The following WSCD1 variants were observed in gnomAD, a reference collection of about 807,000 sequenced individuals.
The protein encoded by WSCD1 is WSC domain sialate O sulfotransferase 1, also known as sialate:O-sulfotransferase 1.
WSCD1 carries 41 observed loss-of-function variants against 60.4 expected under a neutral mutation model. That is an observed-to-expected ratio of 0.68 (90% CI 0.53 to 0.88). WSCD1 has a LOEUF of 0.88. Among genes scored for constraint, WSCD1 ranks in the 40% least tolerant of loss-of-function variants. The probability of loss-of-function intolerance (pLI) is 0.00; values close to 1 mark genes in which losing one functional copy is unlikely to be tolerated. For synonymous variants in WSCD1, 361 were observed against 332.5 expected (o/e 1.09, Z -0.93); for missense variants, 784 against 796.2 (o/e 0.98, Z 0.18).
chr17:6,093,047 T>C (rs1052958129), intron 4 of WSCD1, among the ~76,000 whole-genome samples: 1 of 152,184 alleles, frequency 6.6e-6, no homozygotes, highest in Non-Finnish European at 1.5e-5. Flanking sequence ...GTAAGACCCA[T>C]GAATTTGCTC....
rs754171309 is a variant in WSCD1 at position 6,080,989 on chromosome 17, C to A, written c.331C>A (p.Gln111Lys). 36 of 1,547,610 alleles carry A rather than the reference C, an allele frequency of 2.3e-5. No homozygotes were observed. The highest frequency in any genetic ancestry group is 3.0e-5 in the Non-Finnish European group (34 of 1,148,746). The change falls in exon 2 of 9, where the codon CAG (glutamine) becomes AAG (lysine). Residue 111 changes from glutamine (Q) to lysine (K), a missense_variant. Gln to Lys is a moderately conservative substitution (Grantham distance 53). Coordinates refer to ENST00000317744, the MANE Select transcript of WSCD1 (RefSeq NM_015253.2). This position sits in a 1 kb window ranked among gnomAD's most constrained non-coding sequence, Gnocchi z 6.6. ...CCGGAGCCGCAACTCGGAGCTGCGT[C>A]AGTTGCGTCGCCGCTGGTTCCACCA... ...WLRSRNSELR[Q>K]LRRRWFHHFM...
rs1314383297 is a variant in WSCD1, at chr17:6,080,894, C to T, written c.236C>T (p.Pro79Leu). 6.2e-7 allele frequency: 1 copy of T among 1,600,734 alleles called. No individual in the cohort carries two copies. Among genetic ancestry groups the T allele is most frequent in the Non-Finnish European group, 8.5e-7 (1 of 1,177,406 alleles). ...SRALHDPRVSPELLLGVDMLQ... is the reference protein window; with the variant it reads ...SRALHDPRVSLELLLGVDMLQ... The stretch of plus-strand genomic sequence containing the variant: ...GCCCTGCACGACCCTCGAGTCAGCC[C>T]AGAGCTGCTGCTGGGTGTGGACATG... Residue 79 changes from proline to leucine, a missense_variant, in exon 2 of 9, where the codon CCA (proline) becomes CTA (leucine). Transcript: ENST00000317744. This position sits in a 1 kb window ranked among gnomAD's most constrained non-coding sequence, Gnocchi z 6.6.
intron 2 of WSCD1, chr17:6,085,085 C>T (rs534081914): frequency 1.3e-5 from 2 of 152,240 alleles, no homozygotes; most frequent in African/African-American, 4.8e-5. Context: ...CTTTTATTAA[C>T]GTGTTAATTA....
chr17:6,077,901 C>T (rs1014561286), intron 1 of WSCD1: 1 of 152,268 alleles, frequency 6.6e-6, no homozygotes, highest in African/African-American at 2.4e-5. Flanking sequence ...GGAGACCCCT[C>T]CTCATAGAAT....
chr17:6,079,117 G>T (rs951913530), intron 1 of WSCD1, among the ~76,000 whole-genome samples: 2 of 152,228 alleles, frequency 1.3e-5, no homozygotes, highest in Admixed American at 1.3e-4. Flanking sequence ...TTTACTCAGA[G>T]AGGGTCATGC....
Position 6,081,018 on chromosome 17 carries a change from C to T in WSCD1, c.360C>T (p.Phe120=). ...TGCGTCGCCGCTGGTTCCACCACTT[C>T]ATGAGTGACTCCCAGGGACCGCCCG... is the stretch of plus-strand genomic sequence containing the variant. The part of the protein sequence containing the change: ...RQLRRRWFHH[F]MSDSQGPPAL... Residue 120 remains phenylalanine, a synonymous_variant, in exon 2 of 9, where the codon TTC becomes TTT. Coordinates refer to ENST00000317744, the MANE Select transcript of WSCD1 (RefSeq NM_015253.2). 6.5e-7 allele frequency: 1 copy of T among 1,544,544 alleles called. No homozygotes were observed. Among genetic ancestry groups the T allele is most frequent in the Non-Finnish European group, 8.7e-7 (1 of 1,146,616 alleles).
chr17:6,112,820 C>T (rs1911483241), intron 7 of WSCD1, among the ~76,000 whole-genome samples: 4 of 152,088 alleles, frequency 2.6e-5, no homozygotes, highest in Admixed American at 2.6e-4. Flanking sequence ...GGAAAGACAT[C>T]CCATATTTAT....
intron 4 of WSCD1, among the ~76,000 whole-genome samples, chr17:6,092,037 C>A (rs2150546933): frequency 6.6e-6 from 1 of 151,790 alleles, no homozygotes; most frequent in East Asian, 1.9e-4. Flanking sequence ...GCCTGTAATC[C>A]TAGCTACTCA....
chr17:6,085,086 G>A (rs1478996867), intron 2 of WSCD1: 7 of 152,194 alleles, frequency 4.6e-5, no homozygotes, highest in South Asian at 2.1e-4. Flanking sequence ...TTTTATTAAC[G>A]TGTTAATTAT....
intron 2 of WSCD1, among the ~76,000 whole-genome samples, chr17:6,082,601 C>T (rs535359511): frequency 2.8e-4 from 42 of 152,250 alleles, no homozygotes; most frequent in African/African-American, 9.1e-4. Flanking sequence ...TCCCAGTAAG[C>T]GTGGAAGTTG....
chr17:6,110,126 A>G lies in WSCD1; in HGVS notation c.1009+360A>G, dbSNP rs947284365. On this transcript the variant is annotated intron_variant, in intron 6 of 8. Transcript: ENST00000317744. This position sits in a 1 kb window ranked among gnomAD's most constrained non-coding sequence, Gnocchi z 4.8. Reference sequence around the variant, plus strand: ...TGAGATCCCAGGAGCTGCAGGGGCCACTGGTGCCTCCAGGACCTGGGAACC... The same window carrying G: ...TGAGATCCCAGGAGCTGCAGGGGCCGCTGGTGCCTCCAGGACCTGGGAACC... Among the ~76,000 whole-genome samples, 1 of 152,128 alleles carries G rather than the reference A, an allele frequency of 6.6e-6. No individual in the cohort carries two copies. The highest frequency in any genetic ancestry group is 1.5e-5 in the Non-Finnish European group (1 of 68,024).
intron 1 of WSCD1, among the ~76,000 whole-genome samples, chr17:6,079,539 C>T (rs1316879259): frequency 6.6e-6 from 1 of 152,194 alleles, no homozygotes; most frequent in Non-Finnish European, 1.5e-5. Flanking sequence ...GGGTGCTCAG[C>T]CTCTGTTTGC....
chr17:6,099,553 A>G (rs144943190), intron 5 of WSCD1, among the ~76,000 whole-genome samples: 70 of 152,172 alleles, frequency 4.6e-4, no homozygotes, highest in African/African-American at 1.5e-3. Context: ...GGTTCACTCA[A>G]TATGGTGATT....
intron 2 of WSCD1, among the ~76,000 whole-genome samples, chr17:6,084,583 T>C (rs1053429901): frequency 2.0e-5 from 3 of 152,246 alleles, no homozygotes; most frequent in South Asian, 4.1e-4. Flanking sequence ...ACAACATCCA[T>C]AATGGAATAA....
intron 5 of WSCD1, among the ~76,000 whole-genome samples, chr17:6,096,390 C>A (rs942646536): frequency 6.6e-6 from 1 of 152,276 alleles, no homozygotes; most frequent in East Asian, 1.9e-4. Flanking sequence ...CACTCCCGCT[C>A]TCCCTGCTTC....
chr17:6,117,967 C>A (rs754153497), intron 7 of WSCD1, 21 bp from the exon 8 acceptor site: 10 of 1,612,270 alleles, frequency 6.2e-6, no homozygotes, highest in Non-Finnish European at 8.5e-6. Flanking sequence ...TCCACAGAGA[C>A]CCTCTCATTT....
intron 5 of WSCD1, among the ~76,000 whole-genome samples, chr17:6,098,725 C>T (rs1910608256): frequency 6.6e-6 from 1 of 152,214 alleles, no homozygotes; most frequent in South Asian, 2.1e-4. Flanking sequence ...CTGTGAGGAA[C>T]AGAGTCATCA....
In WSCD1 at chr17:6,086,250, C is replaced by CATATATATAT. The variant is rs61690560; in HGVS notation, c.428-1724_428-1715dup. ...GCAGTCAGTAAGACCGTCCTGACTT[C>CATATATATAT]ATATATATATATATATATATATATA... On this transcript the variant is annotated intron_variant, in intron 2 of 8. Coordinates refer to ENST00000317744, the MANE Select transcript of WSCD1 (RefSeq NM_015253.2). Among the ~76,000 whole-genome samples the CATATATATAT allele has an allele frequency of 3.5e-3, 343 of 98,194 alleles. 17 individuals carry two copies. Among genetic ancestry groups the CATATATATAT allele is most frequent in the Admixed American group, 0.016 (167 of 10,170 alleles). 64.4% of individuals were successfully genotyped at this position (98,194 alleles called of 152,430 possible).
intron 2 of WSCD1, among the ~76,000 whole-genome samples, chr17:6,087,751 C>T (rs534787486): frequency 6.6e-5 from 10 of 152,294 alleles, no homozygotes; most frequent in South Asian, 2.1e-4. Flanking sequence ...CTGGCAGAGC[C>T]GTCAGGGTGG....
Sources: allele counts gnomAD v4.1 joint callset (sites outside exome capture counted in the v4.1 genomes callset), GRCh38; gene constraint gnomAD v4.1.1; non-coding constraint Gnocchi (gnomAD v3.1); transcripts MANE v1.5; gene names NCBI Gene and HGNC (gene_info 2026-07-23, HGNC 2026-07-21).